The following HYDIN variants were observed in gnomAD, a reference collection of about 807,000 sequenced individuals.
HYDIN encodes HYDIN axonemal central pair apparatus protein, also known as axonemal central pair apparatus protein HYDIN.
A neutral mutation model predicts 403.9 loss-of-function variants in HYDIN; 132 were observed. The observed-to-expected ratio is 0.33, with a 90% CI of 0.28 to 0.38. HYDIN has a LOEUF of 0.38. HYDIN is among the 10% of genes least tolerant of loss of function. The pLI is 1.00. For synonymous variants in HYDIN, 1,202 were observed against 1,891.7 expected (o/e 0.64, Z 9.46); for missense variants, 2,827 against 5,009.5 (o/e 0.56, Z 13.15).
intron 1 of HYDIN, among the ~76,000 whole-genome samples, chr16:71,221,552 A>C (rs1429492152): frequency 6.6e-6 from 1 of 152,150 alleles, no homozygotes; most frequent in Non-Finnish European, 1.5e-5. Context: ...AAACAAGCAT[A>C]CTAAGAGAGT....
chr16:71,082,141 T>C (rs1238268057), intron 12 of HYDIN, among the ~76,000 whole-genome samples: 2 of 151,846 alleles, frequency 1.3e-5, no homozygotes, highest in Non-Finnish European at 2.9e-5. Context: ...CGATATTAAC[T>C]TTATAGACAT....
rs113926014 is a variant in HYDIN at position 71,018,007 on chromosome 16, G to A, written c.3644+122C>T. The A allele has an allele frequency of 2.5e-4, 33 of 132,168 alleles. No individual in the cohort carries two copies. The South Asian group carries it at 3.2e-3, about 13-fold the overall frequency. The allele number at this position is 132,168 out of a possible 1,614,324, so 8.2% of individuals were successfully genotyped here. On this transcript the variant is annotated intron_variant, in intron 23 of 85. Transcript: ENST00000393567. Reference sequence around the variant, plus strand: ...TCCTTGTTAATTCTGTCAATAATTAGTGGTCAAAATGGAAAATATTCATGA... The same window carrying A: ...TCCTTGTTAATTCTGTCAATAATTAATGGTCAAAATGGAAAATATTCATGA...
chr16:71,029,820 T>TA (rs1459147305), intron 19 of HYDIN, among the ~76,000 whole-genome samples: 1 of 152,106 alleles, frequency 6.6e-6, no homozygotes, highest in African/African-American at 2.4e-5. Flanking sequence ...GGCTCCTAAT[T>TA]GATTAATGTC....
intron 23 of HYDIN, among the ~76,000 whole-genome samples, chr16:71,010,904 A>G (rs1395773542): frequency 1.3e-5 from 2 of 152,180 alleles, no homozygotes; most frequent in African/African-American, 4.8e-5. Context: ...TAGGGAGGGG[A>G]GGCCTGCCTG....
At chr16:71,194,419 A>T (rs896794136) in intron 1 of HYDIN, among the ~76,000 whole-genome samples, 1 of 152,210 alleles carries the variant, frequency 6.6e-6, no homozygotes, top group Admixed American at 6.5e-5. Context: ...CAAAAATAAA[A>T]TAAAATAATT....
intron 18 of HYDIN, among the ~76,000 whole-genome samples, chr16:71,034,004 CCA>C (rs1270508877): frequency 7.9e-5 from 12 of 151,992 alleles, no homozygotes; most frequent in Admixed American, 7.2e-4. Context: ...AGAGGAAAAG[CCA>C]CACTCTCCAG....
chr16:70,902,822 T>TATATATA (rs1491533720), intron 52 of HYDIN, among the ~76,000 whole-genome samples: 19 of 17,208 alleles, frequency 1.1e-3, no homozygotes, highest in African/African-American at 5.5e-3. Flanking sequence ...TATATATATA[T>TATATATA]TTTTTTTTTT....
In HYDIN at chr16:70,882,856, T is replaced by C. The variant is rs1184160117; in HGVS notation, c.10019A>G (p.His3340Arg). The C allele has an allele frequency of 1.3e-6, 2 of 1,577,548 alleles. No individual in the cohort carries two copies. The highest frequency in any genetic ancestry group is 1.7e-5 in the Admixed American group (1 of 59,902). Residue 3340 changes from histidine to arginine, a missense_variant, in exon 60 of 86, where the codon CAC (histidine) becomes CGC (arginine). His to Arg is a conservative substitution (Grantham distance 29). Coordinates refer to ENST00000393567, the MANE Select transcript of HYDIN (RefSeq NM_001270974.2). The part of the protein sequence containing the change: ...TENNALIFEE[H>R]QICTSANLHH... ...CAGGTTGGCACTGGTACATATCTGG[T>C]GCTCTTCAAATATCAAGGCATTGTT...
In HYDIN at chr16:70,802,854, T is replaced by C. The variant is rs2034945745; in HGVS notation, c.*4726A>G. On this transcript the variant is annotated 3_prime_UTR_variant, in exon 86 of 86. Transcript: ENST00000393567. ...GGGGTTTTCATAGTTGTTAAAACCT[T>C]TGCTGACACAATCCTATGAATGAAG... 6.6e-6 allele frequency: 1 copy of C among 152,226 alleles called. No individual in the cohort carries two copies. The highest frequency in any genetic ancestry group is 2.4e-5 in the African/African-American group (1 of 41,454). The allele number at this position is 152,226 out of a possible 1,614,324, so 9.4% of individuals were successfully genotyped here. A position where few individuals can be genotyped will look rare whatever the true frequency, so the allele number is the denominator to read the frequency against.
intron 58 of HYDIN, among the ~76,000 whole-genome samples, chr16:70,887,857 G>A (rs763179778): frequency 1.3e-5 from 2 of 151,536 alleles, no homozygotes; most frequent in African/African-American, 4.8e-5. Flanking sequence ...CTATTTTTTT[G>A]TATTTTTAGT....
intron 30 of HYDIN, among the ~76,000 whole-genome samples, chr16:70,976,877 G>A (rs1597454700): frequency 1.3e-5 from 2 of 152,062 alleles, no homozygotes; most frequent in Admixed American, 6.6e-5. Flanking sequence ...AGGTTAATGT[G>A]TGCCATGGCC....
chr16:71,184,268 C>G (rs2087033792), intron 3 of HYDIN, among the ~76,000 whole-genome samples: 9 of 151,902 alleles, frequency 5.9e-5, no homozygotes, highest in Admixed American at 5.3e-4. Flanking sequence ...GAGGTTCATA[C>G]CATAATTTGT....
chr16:71,093,537 T>A (rs2083179029), intron 11 of HYDIN: 1 of 196,884 alleles, frequency 5.1e-6, no homozygotes, highest in African/African-American at 2.4e-5. Flanking sequence ...CCCTTTGCAA[T>A]CTACAAAACA....
intron 10 of HYDIN, 75 bp from the exon 11 acceptor site, chr16:71,094,010 A>G: frequency 1.6e-6 from 2 of 1,217,508 alleles, no homozygotes; most frequent in Non-Finnish European, 2.3e-6. Context: ...CATGTACGTT[A>G]CCAATATAAA....
chr16:70,859,201 T>G (rs911670421), intron 71 of HYDIN, among the ~76,000 whole-genome samples: 1 of 152,138 alleles, frequency 6.6e-6, no homozygotes, highest in East Asian at 1.9e-4. Context: ...CTCGGAAGGC[T>G]GAGTCAGGAG....
At chr16:71,064,143 T>G (rs935901616) in intron 16 of HYDIN, among the ~76,000 whole-genome samples, 6 of 133,944 alleles carry the variant, frequency 4.5e-5, no homozygotes, top group African/African-American at 1.6e-4. Flanking sequence ...TCCATTACTC[T>G]AATCTGTACA....
chr16:71,092,403 G>A (rs1271248407), intron 11 of HYDIN, among the ~76,000 whole-genome samples: 7 of 152,142 alleles, frequency 4.6e-5, no homozygotes, highest in African/African-American at 1.4e-4. Context: ...TATGTAAGGT[G>A]TAAAAGAAAC....
intron 23 of HYDIN, among the ~76,000 whole-genome samples, chr16:70,996,252 C>CACCTCAAGA (rs2079528847): frequency 6.6e-6 from 1 of 152,216 alleles, no homozygotes; most frequent in Non-Finnish European, 1.5e-5. Context: ...CTCAATAAGT[C>CACCTCAAGA]ACCTCAAGAA....
chr16:70,908,859 A>G lies in HYDIN; in HGVS notation c.8007T>C (p.Ala2669=). 1.2e-6 allele frequency: 2 copies of G among 1,609,546 alleles called. No individual in the cohort carries two copies. Among genetic ancestry groups the G allele is most frequent in the Non-Finnish European group, 1.7e-6 (2 of 1,178,852 alleles). Residue 2669 remains alanine, a splice_region_variant and synonymous_variant, in exon 48 of 86, where the codon GCT becomes GCC. Transcript: ENST00000393567. Reference sequence around the variant, plus strand: ...TAGATGAGCTGGTCTGCTCCTCTTGAGCCTTAATTAAAAACGAGCATGAGG... The same window carrying G: ...TAGATGAGCTGGTCTGCTCCTCTTGGGCCTTAATTAAAAACGAGCATGAGG... ...DFLATTNTTK[A]QEEQTSSSKG...
Sources: gnomAD v4.1 joint callset for allele counts (sites outside exome capture counted in the v4.1 genomes callset) on GRCh38, gnomAD v4.1.1 for gene constraint, MANE v1.5 for transcripts, NCBI Gene and HGNC (gene_info 2026-07-23, HGNC 2026-07-21) for gene names.